KCNB2: variants seen among roughly 807,000 people sequenced by gnomAD.
KCNB2 encodes potassium voltage-gated channel subfamily B member 2.
In KCNB2, 15 loss-of-function variants were observed where a neutral mutation model predicts 61.5. The ratio of observed to expected loss-of-function variants is 0.24; its 90% CI spans 0.16 to 0.38. The LOEUF (loss-of-function observed/expected upper bound fraction) is 0.38. Among genes scored for constraint, KCNB2 ranks in the 10% least tolerant of loss-of-function variants. The pLI is 1.00. For synonymous variants in KCNB2, 457 were observed against 446.0 expected (o/e 1.02, Z -0.31); for missense variants, 828 against 1,125.2 (o/e 0.74, Z 3.78).
At chr8:72,645,542 A>G (rs1407640951) in intron 2 of KCNB2, among the ~76,000 whole-genome samples, 2 of 152,042 alleles carry the variant, frequency 1.3e-5, no homozygotes, top group Non-Finnish European at 2.9e-5. Context: ...ACTTTTATTC[A>G]CTTGGCTTAG....
chr8:72,800,834 TA>T (rs1182433062), intron 2 of KCNB2, among the ~76,000 whole-genome samples: 1 of 152,184 alleles, frequency 6.6e-6, no homozygotes, highest in East Asian at 1.9e-4. Flanking sequence ...TTACTGATAA[TA>T]AAAATGGCTC....
At chr8:72,682,354 A>G (rs1402982497) in intron 2 of KCNB2, among the ~76,000 whole-genome samples, 2 of 152,126 alleles carry the variant, frequency 1.3e-5, no homozygotes, top group African/African-American at 4.8e-5. Flanking sequence ...TGATTATACC[A>G]TACCTTTTGG....
At chr8:72,572,966 C>G (rs375867545) in intron 2 of KCNB2, among the ~76,000 whole-genome samples, 10 of 152,218 alleles carry the variant, frequency 6.6e-5, no homozygotes, top group South Asian at 4.1e-4. Context: ...CCTTAGCCAT[C>G]CTTGGATCAA....
chr8:72,588,766 C>G (rs185060990), intron 2 of KCNB2, among the ~76,000 whole-genome samples: 246 of 151,992 alleles, frequency 1.6e-3, no homozygotes, highest in African/African-American at 5.6e-3. Flanking sequence ...TAAAAATTAG[C>G]CAGGCTGTAG....
At chr8:72,634,089 A>G (rs1056920192) in intron 2 of KCNB2, among the ~76,000 whole-genome samples, 1 of 152,216 alleles carries the variant, frequency 6.6e-6, no homozygotes, top group Non-Finnish European at 1.5e-5. Context: ...TTACCCATCT[A>G]AATCTGGTTG....
At chr8:72,653,468 A>G (rs541872033) in intron 2 of KCNB2, among the ~76,000 whole-genome samples, 122 of 150,978 alleles carry the variant, frequency 8.1e-4, no homozygotes, top group African/African-American at 2.6e-3. Flanking sequence ...TTTTTTTGTG[A>G]CACTTTGATA....
At chr8:72,763,501 G>A (rs1808417854) in intron 2 of KCNB2, among the ~76,000 whole-genome samples, 1 of 152,156 alleles carries the variant, frequency 6.6e-6, no homozygotes, top group African/African-American at 2.4e-5. Context: ...GGAGCTAAAT[G>A]GGGGGTTGGA....
intron 2 of KCNB2, among the ~76,000 whole-genome samples, chr8:72,690,006 A>G (rs1353340444): frequency 6.6e-6 from 1 of 150,398 alleles, no homozygotes; most frequent in Non-Finnish European, 1.5e-5. Flanking sequence ...TCATTCCATT[A>G]ACAGGTCTGC....
At chr8:72,852,178 T>C (rs1810127822) in intron 2 of KCNB2, among the ~76,000 whole-genome samples, 1 of 152,190 alleles carries the variant, frequency 6.6e-6, no homozygotes, top group African/African-American at 2.4e-5. Flanking sequence ...GAGAATCACT[T>C]GAGCCTGGGA....
At chr8:72,694,006 G>A (rs1806980224) in intron 2 of KCNB2, among the ~76,000 whole-genome samples, 1 of 152,086 alleles carries the variant, frequency 6.6e-6, no homozygotes, top group African/African-American at 2.4e-5. Flanking sequence ...AGGACCAAAT[G>A]ATATATTTAC....
At chr8:72,737,316 C>G (rs1807864101) in intron 2 of KCNB2, among the ~76,000 whole-genome samples, 2 of 152,144 alleles carry the variant, frequency 1.3e-5, no homozygotes, top group South Asian at 4.1e-4. Flanking sequence ...ATTTTACCAA[C>G]TATATTAAGC....
chr8:72,725,567 A>ATGTG lies in KCNB2; in HGVS notation c.579+157255_579+157256insGTGT, dbSNP rs1563571971. The stretch of plus-strand genomic sequence containing the variant: ...TGTGTATATATATATGTATATATGT[A>ATGTG]TATATATGTATATATATATGTATGT... On this transcript the variant is annotated intron_variant, in intron 2 of 2. Transcript: ENST00000523207. Among the ~76,000 whole-genome samples the ATGTG allele has an allele frequency of 1.0e-3, 109 of 104,028 alleles. 1 individual carries two copies. Among genetic ancestry groups the ATGTG allele is most frequent in the African/African-American group, 5.7e-3 (107 of 18,832 alleles). 68.2% of individuals were successfully genotyped at this position (104,028 alleles called of 152,430 possible).
At chr8:72,755,561 G>A (rs1372354791) in intron 2 of KCNB2, among the ~76,000 whole-genome samples, 1 of 152,188 alleles carries the variant, frequency 6.6e-6, no homozygotes, top group African/African-American at 2.4e-5. Flanking sequence ...ACTTCTTCAA[G>A]GAGGATATAT....
At chr8:72,614,562 TCTGA>T (rs1177052133) in intron 2 of KCNB2, among the ~76,000 whole-genome samples, 1 of 152,220 alleles carries the variant, frequency 6.6e-6, no homozygotes, top group Non-Finnish European at 1.5e-5. Context: ...GATGCCAGTC[TCTGA>T]CTGTTGTTGT....
At chr8:72,579,855 A>C (rs1396946579) in intron 2 of KCNB2, among the ~76,000 whole-genome samples, 4 of 152,166 alleles carry the variant, frequency 2.6e-5, no homozygotes, top group African/African-American at 9.7e-5. Context: ...CTTTTCTAAC[A>C]ATACTGCTTC....
chr8:72,822,092 A>G (rs993320107), intron 2 of KCNB2, among the ~76,000 whole-genome samples: 2 of 152,176 alleles, frequency 1.3e-5, no homozygotes, highest in African/African-American at 4.8e-5. Flanking sequence ...TAATCTGATC[A>G]TGTCACTGTC....
chr8:72,786,541 T>C (rs1808848473), intron 2 of KCNB2, among the ~76,000 whole-genome samples: 4 of 152,208 alleles, frequency 2.6e-5, no homozygotes. Context: ...ATGGGATATT[T>C]TCTCCTCTTC....
rs1339973441 is a variant in KCNB2 at position 72,610,607 on chromosome 8, TG to T, written c.579+42295del. Reference sequence around the variant, plus strand: ...ATAGCACTTTCTATAGGCAAGGCACTGTCCTAAATACTTAAAAAATTTAGTA... The same window carrying T: ...ATAGCACTTTCTATAGGCAAGGCACTTCCTAAATACTTAAAAAATTTAGTA... On this transcript the variant is annotated intron_variant, in intron 2 of 2. Transcript: ENST00000523207. Among the ~76,000 whole-genome samples the T allele has an allele frequency of 5.3e-4, 80 of 152,318 alleles. 1 individual carries two copies. The highest frequency in any genetic ancestry group is 3.4e-3 in the Middle Eastern group (1 of 294).
intron 1 of KCNB2, among the ~76,000 whole-genome samples, chr8:72,565,055 G>A (rs73301684): frequency 0.033 from 5,092 of 152,064 alleles, 122 homozygotes; most frequent in South Asian, 0.09. Flanking sequence ...CAAGCCCAGA[G>A]AATTTAAGTT....
Sources: allele counts gnomAD v4.1 joint callset (sites outside exome capture counted in the v4.1 genomes callset), GRCh38; gene constraint gnomAD v4.1.1; transcripts MANE v1.5; gene names NCBI Gene and HGNC (gene_info 2026-07-23, HGNC 2026-07-21).